LPP: variants seen among roughly 807,000 people sequenced by gnomAD.
LPP encodes the protein LIM domain containing preferred translocation partner in lipoma, also known as lipoma-preferred partner.
Under a neutral mutation model 60.4 loss-of-function variants are expected in LPP, and 38 were observed. That is an observed-to-expected ratio of 0.63 (90% CI 0.49 to 0.83). The LOEUF (loss-of-function observed/expected upper bound fraction) is 0.83, where lower values mean the gene tolerates loss of function less well. Among genes scored for constraint, LPP ranks in the 40% least tolerant of loss-of-function variants. The probability of loss-of-function intolerance (pLI) is 0.00; values close to 1 mark genes in which losing one functional copy is unlikely to be tolerated. For missense variants in LPP, 902 were observed against 783.6 expected (o/e 1.15, Z -1.80); for synonymous variants, 328 against 290.8 (o/e 1.13, Z -1.30).
chr3:188,267,570 G>C (rs1326168472), intron 2 of LPP, among the ~76,000 whole-genome samples: 1 of 152,204 alleles, frequency 6.6e-6, no homozygotes, highest in East Asian at 1.9e-4. Flanking sequence ...CCCCAGAAGA[G>C]CTCTGTGCCT....
intron 8 of LPP, among the ~76,000 whole-genome samples, chr3:188,730,042 G>T (rs140025811): frequency 6.6e-6 from 1 of 152,138 alleles, no homozygotes; most frequent in East Asian, 1.9e-4. Flanking sequence ...CTAAAAAATG[G>T]CCATGATGTT....
chr3:188,346,646 G>A (rs1042800061), intron 3 of LPP, among the ~76,000 whole-genome samples: 6 of 152,052 alleles, frequency 3.9e-5, no homozygotes, highest in African/African-American at 1.2e-4. Flanking sequence ...GCAGATGTGA[G>A]GATTATGGAA....
At chr3:188,391,228 C>G (rs1779627042) in intron 3 of LPP, among the ~76,000 whole-genome samples, 1 of 152,184 alleles carries the variant, frequency 6.6e-6, no homozygotes, top group Non-Finnish European at 1.5e-5. Flanking sequence ...GGAGATCAGA[C>G]TAGATTCGGC....
chr3:188,512,411 G>A (rs561667650), intron 5 of LPP, among the ~76,000 whole-genome samples: 131 of 152,136 alleles, frequency 8.6e-4, no homozygotes, highest in African/African-American at 2.9e-3. Context: ...AATTAGCCAG[G>A]CGTGTTGGCA....
intron 2 of LPP, among the ~76,000 whole-genome samples, chr3:188,319,606 T>C (rs541207265): frequency 1.3e-5 from 2 of 152,310 alleles, no homozygotes; most frequent in South Asian, 4.1e-4. Context: ...GGGTTTTGAT[T>C]TAGCTGGAGG....
intron 7 of LPP, among the ~76,000 whole-genome samples, chr3:188,611,021 A>T (rs1173745425): frequency 6.6e-6 from 1 of 152,212 alleles, no homozygotes; most frequent in East Asian, 1.9e-4. Flanking sequence ...AGATCTATTC[A>T]CATATTCAAC....
At chr3:188,466,068 G>A (rs1800296270) in intron 4 of LPP, among the ~76,000 whole-genome samples, 1 of 152,068 alleles carries the variant, frequency 6.6e-6, no homozygotes, top group Non-Finnish European at 1.5e-5. Context: ...CAGAATCCTA[G>A]GTACTCTCCT....
In LPP at chr3:188,572,455, C is replaced by T. The variant is rs2037121; in HGVS notation, c.430-36706C>T. On this transcript the variant is annotated intron_variant, in intron 6 of 11. Coordinates refer to ENST00000617246, the MANE Select transcript of LPP (RefSeq NM_001375462.1). The surrounding 1 kb of genome is among the most constrained non-coding windows in gnomAD (Gnocchi z 4.1). ...TTGGGTAGAGGTTAATGTCGGTAGA[C>T]ACATTATTAGAGTTAAGGGTCCTAA... Among the ~76,000 whole-genome samples the T allele has an allele frequency of 0.59, 88,948 of 151,762 alleles. 26,285 individuals are homozygous for T. The highest frequency in any genetic ancestry group is 0.72 in the East Asian group (3,704 of 5,116).
intron 2 of LPP, among the ~76,000 whole-genome samples, chr3:188,328,410 A>G (rs1206288655): frequency 6.6e-6 from 1 of 152,206 alleles, no homozygotes; most frequent in Non-Finnish European, 1.5e-5. Context: ...CATTCATCAA[A>G]AAAGCATTTG....
chr3:188,343,379 C>A (rs1041975904), intron 3 of LPP, among the ~76,000 whole-genome samples: 1 of 152,116 alleles, frequency 6.6e-6, no homozygotes, highest in Admixed American at 6.5e-5. Flanking sequence ...CTTTTCTAGT[C>A]CACAAAATAA....
At chr3:188,223,878 C>T (rs1282239463) in intron 1 of LPP, among the ~76,000 whole-genome samples, 1 of 152,120 alleles carries the variant, frequency 6.6e-6, no homozygotes, top group Non-Finnish European at 1.5e-5. Flanking sequence ...GAAATTATGC[C>T]TCTCTCTCCT....
At chr3:188,771,521 G>A (rs1470809272) in intron 9 of LPP, among the ~76,000 whole-genome samples, 1 of 138,704 alleles carries the variant, frequency 7.2e-6, no homozygotes, top group African/African-American at 2.8e-5. Context: ...CTGCACTCCA[G>A]CCTGGGCGAC....
At chr3:188,729,647 T>G (rs1416501707) in intron 8 of LPP, among the ~76,000 whole-genome samples, 1 of 152,156 alleles carries the variant, frequency 6.6e-6, no homozygotes, top group African/African-American at 2.4e-5. Context: ...GTGTGTTTTG[T>G]GTGTGTTTAG....
chr3:188,500,936 G>GTC lies in LPP; in HGVS notation c.306+16241_306+16242dup, dbSNP rs1811651723. ...TTTGTAGTTTGAGTCTTCTCTCTCTGTCTCTCTCTCACTTCATCTAGCTAA... is the reference window on the plus strand; with the variant it reads ...TTTGTAGTTTGAGTCTTCTCTCTCTGTCTCTCTCTCTCACTTCATCTAGCTAA... On this transcript the variant is annotated intron_variant, in intron 5 of 11. Transcript: ENST00000617246. Among the ~76,000 whole-genome samples the GTC allele has an allele frequency of 2.0e-5, 3 of 151,670 alleles. No homozygotes were observed. In the South Asian group the frequency reaches 6.2e-4, roughly 32 times the overall value.
intron 3 of LPP, among the ~76,000 whole-genome samples, chr3:188,364,930 AG>A (rs11365699): frequency 0.34 from 52,398 of 151,942 alleles, 10,539 homozygotes; most frequent in Middle Eastern, 0.59. Flanking sequence ...TGTATTTCAA[AG>A]GGGGCTTTCT....
At chr3:188,540,693 GA>G (rs1263206821) in intron 6 of LPP, among the ~76,000 whole-genome samples, 1 of 152,174 alleles carries the variant, frequency 6.6e-6, no homozygotes, top group African/African-American at 2.4e-5. Flanking sequence ...TAAAGCACTT[GA>G]AACAGTGTTT....
In LPP at chr3:188,615,359, A is replaced by T. The variant is rs12633426; in HGVS notation, c.1113+5515A>T. 2.8e-4 allele frequency among the ~76,000 whole-genome samples: 43 copies of T among 152,230 alleles called. No homozygotes were observed. In the East Asian group the frequency reaches 4.6e-3, roughly 16 times the overall value. On this transcript the variant is annotated intron_variant, in intron 7 of 11. Coordinates refer to ENST00000617246, the MANE Select transcript of LPP (RefSeq NM_001375462.1). The stretch of plus-strand genomic sequence containing the variant: ...CCATTAAGATCCAGCTACAGTGTTA[A>T]TTTCTCCCATAAGGTTTTCTCCTCT...
At chr3:188,834,705 A>G (rs1424763201) in intron 9 of LPP, among the ~76,000 whole-genome samples, 1 of 151,716 alleles carries the variant, frequency 6.6e-6, no homozygotes, top group Non-Finnish European at 1.5e-5. Context: ...ACATTCCTTA[A>G]CTCTTTATTT....
At chr3:188,478,894 C>T (rs1803959404) in intron 4 of LPP, among the ~76,000 whole-genome samples, 1 of 152,084 alleles carries the variant, frequency 6.6e-6, no homozygotes, top group African/African-American at 2.4e-5. Context: ...GCTGGGATTA[C>T]AGGCTCCTGC....
Sources: gnomAD v4.1 joint callset for allele counts (sites outside exome capture counted in the v4.1 genomes callset) on GRCh38, gnomAD v4.1.1 for gene constraint, Gnocchi (gnomAD v3.1) non-coding constraint, MANE v1.5 for transcripts, NCBI Gene and HGNC (gene_info 2026-07-23, HGNC 2026-07-21) for gene names.